Variants in MAF observed in about 807,000 individuals in gnomAD.
MAF encodes MAF bZIP transcription factor.
MAF carries 10 observed loss-of-function variants against 22.0 expected under a neutral mutation model. The observed-to-expected ratio is 0.45, with a 90% confidence interval of 0.28 to 0.77. The LOEUF is 0.77. MAF is among the 30% of genes least tolerant of loss of function. MAF has a pLI of 0.12. For synonymous variants in MAF, 337 were observed against 255.8 expected, an observed-to-expected ratio of 1.32 and a Z score of -3.03; for missense variants, 544 against 548.4, an observed-to-expected ratio of 0.99 and a Z score of 0.08.
At chr16:79,384,742 G>C in the MAF span, among the ~76,000 whole-genome samples, 6 of 152,146 alleles carry the variant, frequency 3.9e-5, no homozygotes, top group Admixed American at 2.0e-4. Flanking sequence ...GGGCAGCAGG[G>C]AGAGACTCTG....
At chr16:79,252,144 T>C in the MAF span, among the ~76,000 whole-genome samples, 1 of 152,242 alleles carries the variant, frequency 6.6e-6, no homozygotes, top group African/African-American at 2.4e-5. Context: ...GGCAAACTTC[T>C]CTTGTCAAGA....
the MAF span, among the ~76,000 whole-genome samples, chr16:79,346,982 TTA>T: frequency 6.6e-6 from 1 of 152,144 alleles, no homozygotes; most frequent in African/African-American, 2.4e-5. Flanking sequence ...CTGGTTGGAA[TTA>T]TGAGGACAGA....
chr16:79,357,669 G>C, the MAF span, among the ~76,000 whole-genome samples: 58,976 of 151,854 alleles, frequency 0.39, 13,143 homozygotes, highest in Non-Finnish European at 0.52. Flanking sequence ...CTCACCATCG[G>C]TTCCCTAGCA....
chr16:79,328,683 T>C, the MAF span, among the ~76,000 whole-genome samples: 1 of 152,164 alleles, frequency 6.6e-6, no homozygotes, highest in Non-Finnish European at 1.5e-5. Context: ...TTGGCCAATA[T>C]AACTCCATTA....
the MAF span, among the ~76,000 whole-genome samples, chr16:79,502,716 T>TATATATATATAAATATAA: frequency 6.3e-4 from 13 of 20,578 alleles, no homozygotes; most frequent in Middle Eastern, 0.045. Context: ...TAAATATATA[T>TATATATATATAAATATAA]ATATATATAT....
the MAF span, among the ~76,000 whole-genome samples, chr16:79,577,217 A>G: frequency 2.7e-4 from 41 of 152,232 alleles, no homozygotes; most frequent in African/African-American, 8.9e-4. Context: ...ATCACATTAT[A>G]TGCATTTTCT....
At chr16:79,541,477 GAAA>G in the MAF span, among the ~76,000 whole-genome samples, 25 of 145,192 alleles carry the variant, frequency 1.7e-4, no homozygotes, top group Non-Finnish European at 2.4e-4. Context: ...CAAACCACCA[GAAA>G]AAAAAAAAAA....
chr16:79,482,177 G>C, the MAF span, among the ~76,000 whole-genome samples: 4 of 152,198 alleles, frequency 2.6e-5, no homozygotes, highest in Non-Finnish European at 4.4e-5. Flanking sequence ...ACCTATCCTG[G>C]TTTCTAACAG....
At chr16:79,248,132 A>G in the MAF span, among the ~76,000 whole-genome samples, 1 of 152,030 alleles carries the variant, frequency 6.6e-6, no homozygotes, top group Admixed American at 6.6e-5. Flanking sequence ...TTGGATCATA[A>G]AACAAGTGTA....
chr16:79,264,146 G>A, the MAF span, among the ~76,000 whole-genome samples: 2 of 152,184 alleles, frequency 1.3e-5, no homozygotes, highest in African/African-American at 4.8e-5. Flanking sequence ...GCTTTGAGAA[G>A]TGAGATCATA....
At chr16:79,296,571 A>C in the MAF span, among the ~76,000 whole-genome samples, 1 of 152,118 alleles carries the variant, frequency 6.6e-6, no homozygotes, top group South Asian at 2.1e-4. Flanking sequence ...ATAAATAGGC[A>C]TTTCGGCAGC....
At chr16:79,366,664 A>G in the MAF span, among the ~76,000 whole-genome samples, 8 of 152,226 alleles carry the variant, frequency 5.3e-5, no homozygotes, top group Admixed American at 3.3e-4. Context: ...GCAATTTGCC[A>G]TGACTTCTTT....
the MAF span, among the ~76,000 whole-genome samples, chr16:79,392,511 GAGAGAGAAAC>G: frequency 6.6e-6 from 1 of 151,844 alleles, no homozygotes; most frequent in Non-Finnish European, 1.5e-5. Context: ...GAGAGAGAGA[GAGAGAGAAAC>G]AAAGCCAGTA....
At chr16:79,595,561 G>A (rs1913468270) in intron 1 of MAF, 1 of 1,059,886 alleles carries the variant, frequency 9.4e-7, no homozygotes. Flanking sequence ...TGTAACATTA[G>A]TTTCATGAAT....
the MAF span, among the ~76,000 whole-genome samples, chr16:79,498,767 C>G: frequency 6.6e-6 from 1 of 152,144 alleles, no homozygotes; most frequent in Admixed American, 6.5e-5. Context: ...CTATCCTAGC[C>G]CAGTAAGCAA....
the MAF span, among the ~76,000 whole-genome samples, chr16:79,285,514 G>A: frequency 3.0e-4 from 45 of 152,162 alleles, no homozygotes; most frequent in Non-Finnish European, 5.1e-4. Context: ...GGGGAGCAGG[G>A]AAGGCTTGTG....
chr16:79,450,692 G>T, the MAF span, among the ~76,000 whole-genome samples: 5 of 152,144 alleles, frequency 3.3e-5, no homozygotes, highest in African/African-American at 1.2e-4. Context: ...TACAAAGAAA[G>T]TGTGAAATTT....
chr16:79,347,856 A>T, the MAF span, among the ~76,000 whole-genome samples: 1 of 152,098 alleles, frequency 6.6e-6, no homozygotes, highest in African/African-American at 2.4e-5. Flanking sequence ...CCCAGGCGAG[A>T]ACAGTGGGTC....
chr16:79,277,582 A>T, the MAF span, among the ~76,000 whole-genome samples: 1 of 152,166 alleles, frequency 6.6e-6, no homozygotes, highest in African/African-American at 2.4e-5. Context: ...GTACTATTGT[A>T]TCTGCTAACA....
Sources: gnomAD v4.1 joint callset for allele counts (sites outside exome capture counted in the v4.1 genomes callset) on GRCh38, gnomAD v4.1.1 for gene constraint, MANE v1.5 for transcripts, NCBI Gene and HGNC (gene_info 2026-07-23, HGNC 2026-07-21) for gene names.